The following ABTB2 variants were observed in gnomAD, a reference collection of about 807,000 sequenced individuals.
The protein encoded by ABTB2 is ankyrin repeat and BTB/POZ domain-containing protein 2.
In ABTB2, 56 loss-of-function variants were observed where a neutral mutation model predicts 104.1. The ratio of observed to expected loss-of-function variants is 0.54; its 90% CI spans 0.43 to 0.67. The LOEUF (loss-of-function observed/expected upper bound fraction) is 0.67. ABTB2 is among the 30% of genes least tolerant of loss of function. The pLI is 0.00. For missense variants in ABTB2, 1,279 were observed against 1,407.7 expected (o/e 0.91, Z 1.46); for synonymous variants, 606 against 608.2 (o/e 1.00, Z 0.05).
intron 3 of ABTB2, among the ~76,000 whole-genome samples, chr11:34,194,601 C>T (rs1853223952): frequency 6.6e-6 from 1 of 152,176 alleles, no homozygotes; most frequent in East Asian, 1.9e-4. Context: ...ATGCTGTAAG[C>T]TCAGCGCTCC....
chr11:34,206,044 G>A (rs2955946), intron 1 of ABTB2, among the ~76,000 whole-genome samples: 145,776 of 152,234 alleles, frequency 0.96, 70,128 homozygotes, highest in East Asian at 1. Flanking sequence ...CTTCATTTAC[G>A]TTATCTCATT....
chr11:34,329,344 T>G lies in ABTB2; in HGVS notation c.883+27357A>C, dbSNP rs141026906. ...GACTGGTTTTTCCACTCCACTTCCT[T>G]CCAGATCCATCTTCCATCCCACTTC... On this transcript the variant is annotated intron_variant, in intron 1 of 16. Transcript: ENST00000435224. 3.2e-3 allele frequency among the ~76,000 whole-genome samples: 492 copies of G among 152,264 alleles called. 6 individuals carry two copies. The highest frequency in any genetic ancestry group is 0.011 in the African/African-American group (453 of 41,552).
chr11:34,182,670 A>G (rs2467375), intron 3 of ABTB2, among the ~76,000 whole-genome samples: 110,495 of 151,676 alleles, frequency 0.73, 40,502 homozygotes, highest in East Asian at 0.91. Flanking sequence ...TCAGGTCCCC[A>G]TAGGAGCCTG....
chr11:34,243,546 C>T (rs1853947799), intron 1 of ABTB2, among the ~76,000 whole-genome samples: 1 of 152,206 alleles, frequency 6.6e-6, no homozygotes, highest in African/African-American at 2.4e-5. Flanking sequence ...TCCTGACATC[C>T]CACTTGATAT....
intron 13 of ABTB2, 65 bp downstream of exon 13, chr11:34,159,841 C>A: frequency 7.5e-7 from 1 of 1,336,812 alleles, no homozygotes; most frequent in South Asian, 1.2e-5. Context: ...TCTCTGTCAC[C>A]TGGAATCTGA....
At chr11:34,187,811 C>T (rs1853121281) in intron 3 of ABTB2, among the ~76,000 whole-genome samples, 1 of 152,104 alleles carries the variant, frequency 6.6e-6, no homozygotes, top group South Asian at 2.1e-4. Context: ...CCCAGCTACT[C>T]TGAGGGCTGA....
chr11:34,244,341 C>A (rs928556208), intron 1 of ABTB2, among the ~76,000 whole-genome samples: 5 of 152,180 alleles, frequency 3.3e-5, no homozygotes, highest in Admixed American at 2.6e-4. Flanking sequence ...CCCAGGCTGA[C>A]CGATAGTGGG....
chr11:34,350,788 G>A (rs950602017), intron 1 of ABTB2, among the ~76,000 whole-genome samples: 2 of 152,196 alleles, frequency 1.3e-5, no homozygotes, highest in African/African-American at 4.8e-5. Context: ...GTACTGACCT[G>A]TATTTGCTAC....
At chr11:34,306,260 T>G (rs1423629750) in intron 1 of ABTB2, among the ~76,000 whole-genome samples, 2 of 139,900 alleles carry the variant, frequency 1.4e-5, no homozygotes, top group Admixed American at 1.4e-4. Context: ...TTTTTTTTTT[T>G]TTTTTGAGAC....
chr11:34,195,075 C>CGGTGGGGG (rs1554982289), intron 3 of ABTB2, among the ~76,000 whole-genome samples: 1 of 18,066 alleles, frequency 5.5e-5, no homozygotes. Flanking sequence ...AGATGCCCGG[C>CGGTGGGGG]GGGGGGGGGG....
chr11:34,336,419 T>C (rs1166781326), intron 1 of ABTB2, among the ~76,000 whole-genome samples: 4 of 152,156 alleles, frequency 2.6e-5, no homozygotes, highest in Admixed American at 2.0e-4. Flanking sequence ...GGCAGGAGGA[T>C]TGCTTGAGGC....
At chr11:34,286,641 C>T (rs1037634762) in intron 1 of ABTB2, among the ~76,000 whole-genome samples, 2 of 152,098 alleles carry the variant, frequency 1.3e-5, no homozygotes, top group South Asian at 2.1e-4. Flanking sequence ...GGTTCCTTCG[C>T]CAGCACCCTT....
intron 14 of ABTB2, among the ~76,000 whole-genome samples, chr11:34,155,144 TCTCGC>T (rs1438868737): frequency 6.6e-6 from 1 of 152,222 alleles, no homozygotes; most frequent in Non-Finnish European, 1.5e-5. Flanking sequence ...GCAGCAGGGC[TCTCGC>T]ATCATGCCTG....
At chr11:34,214,225 T>C (rs1853522237) in intron 1 of ABTB2, among the ~76,000 whole-genome samples, 1 of 151,148 alleles carries the variant, frequency 6.6e-6, no homozygotes, top group Admixed American at 6.6e-5. Flanking sequence ...GTAGACTCAG[T>C]ACCTTAAATA....
intron 1 of ABTB2, among the ~76,000 whole-genome samples, chr11:34,284,631 A>G (rs902613386): frequency 1.4e-4 from 21 of 152,258 alleles, no homozygotes; most frequent in Admixed American, 8.5e-4. Context: ...TGAGTTGTTG[A>G]CGGATGAACA....
chr11:34,280,209 A>C (rs950237168), intron 1 of ABTB2, among the ~76,000 whole-genome samples: 2 of 152,130 alleles, frequency 1.3e-5, no homozygotes, highest in Admixed American at 6.5e-5. Flanking sequence ...AGCAGGAAGA[A>C]TGGCGCAGGA....
intron 3 of ABTB2, among the ~76,000 whole-genome samples, chr11:34,177,750 G>T (rs1448798030): frequency 6.6e-6 from 1 of 151,998 alleles, no homozygotes; most frequent in Non-Finnish European, 1.5e-5. Flanking sequence ...TATATTTTTA[G>T]CAGAGATGGG....
intron 2 of ABTB2, among the ~76,000 whole-genome samples, chr11:34,200,064 C>A (rs1202267980): frequency 6.6e-6 from 1 of 152,128 alleles, no homozygotes; most frequent in Non-Finnish European, 1.5e-5. Flanking sequence ...CAACCACCAG[C>A]CAACCCGCCT....
chr11:34,177,447 T>A (rs1445512896), intron 3 of ABTB2, among the ~76,000 whole-genome samples: 3 of 152,234 alleles, frequency 2.0e-5, no homozygotes, highest in Non-Finnish European at 2.9e-5. Flanking sequence ...AAATTAGGTT[T>A]TATCATTAAG....
Sources: gnomAD v4.1 joint callset for allele counts (sites outside exome capture counted in the v4.1 genomes callset) on GRCh38, gnomAD v4.1.1 for gene constraint, MANE v1.5 for transcripts, NCBI Gene and HGNC (gene_info 2026-07-23, HGNC 2026-07-21) for gene names.